The following GATB variants were observed in gnomAD, a reference collection of about 807,000 sequenced individuals.
GATB encodes the protein glutamyl-tRNA amidotransferase subunit B.
GATB carries 39 observed loss-of-function variants against 62.3 expected under a neutral mutation model. That is an observed-to-expected ratio of 0.63 (90% confidence interval 0.48 to 0.82). GATB has a LOEUF of 0.82. Among genes scored for constraint, GATB ranks in the 40% least tolerant of loss-of-function variants. The pLI is 0.00. For synonymous variants in GATB, 276 were observed against 258.9 expected (o/e 1.07, Z -0.63); for missense variants, 670 against 684.0 (o/e 0.98, Z 0.23).
At chr4:151,748,275 T>C (rs1359408650) in intron 2 of GATB, among the ~76,000 whole-genome samples, 2 of 152,206 alleles carry the variant, frequency 1.3e-5, no homozygotes, top group Admixed American at 6.5e-5. Flanking sequence ...ACTACAAGGC[T>C]ACAGTAACCA....
chr4:151,697,967 A>ATATATATATATGTGTG (rs1553967156), intron 9 of GATB, among the ~76,000 whole-genome samples: 3 of 101,872 alleles, frequency 2.9e-5, no homozygotes, highest in East Asian at 3.3e-4. Context: ...ATATATATAT[A>ATATATATATATGTGTG]TATATATATA....
intron 9 of GATB, among the ~76,000 whole-genome samples, chr4:151,692,329 G>A (rs1324628556): frequency 6.6e-6 from 1 of 152,202 alleles, no homozygotes; most frequent in Admixed American, 6.5e-5. Flanking sequence ...GCCTGGGACC[G>A]AAACTGAGCA....
chr4:151,757,195 G>A lies in GATB; in HGVS notation c.327+1577C>T, dbSNP rs149988950. 2.2e-3 allele frequency among the ~76,000 whole-genome samples: 329 copies of A among 152,290 alleles called. 9 individuals are homozygous for A. In the East Asian group the frequency reaches 0.058, roughly 27 times the overall value. The stretch of plus-strand genomic sequence containing the variant: ...GATAGATCTCTAAGTCAGAGAGAGA[G>A]AAAGAGGGCACACCTCCACATCTAT... On this transcript the variant is annotated intron_variant, in intron 2 of 12. Coordinates refer to ENST00000263985, the MANE Select transcript of GATB (RefSeq NM_004564.3).
Position 151,688,698 on chromosome 4 carries a change from CT to C in GATB, c.1262del (p.Lys421ArgfsTer2), listed in dbSNP as rs1560844276. On this transcript the variant is annotated frameshift_variant, in exon 10 of 13. Transcript: ENST00000263985. LOFTEE classifies it high-confidence loss of function. ...AAGTGTTGAGGACCCAACTAGTCACCTTTTTTGGCTCTGCCCTAGTTTCTTT... is the reference window on the plus strand; with the variant it reads ...AAGTGTTGAGGACCCAACTAGTCACCTTTTTGGCTCTGCCCTAGTTTCTTT... ...VIKETRAEPK[K>X]VTSWVLNTFL... The C allele has an allele frequency of 1.2e-6, 2 of 1,613,534 alleles. No individual in the cohort carries two copies. The highest frequency in any genetic ancestry group is 1.3e-5 in the African/African-American group (1 of 74,994).
At chr4:151,701,137 A>C (rs985153242) in intron 9 of GATB, among the ~76,000 whole-genome samples, 192 bp downstream of exon 9, 1 of 152,184 alleles carries the variant, frequency 6.6e-6, no homozygotes, top group Non-Finnish European at 1.5e-5. Flanking sequence ...TGGTTGTATG[A>C]AGAGCATTTA....
chr4:151,714,979 A>G (rs1005746248), intron 5 of GATB, among the ~76,000 whole-genome samples: 5 of 152,236 alleles, frequency 3.3e-5, no homozygotes, highest in South Asian at 2.1e-4. Flanking sequence ...CTCAGATTCA[A>G]CATGTACCAG....
Position 151,688,178 on chromosome 4 carries a change from G to A in GATB, c.1331+452C>T, listed in dbSNP as rs117635164. Among the ~76,000 whole-genome samples the A allele has an allele frequency of 9.6e-3, 1,466 of 152,162 alleles. 86 individuals are homozygous for A. The highest frequency in any genetic ancestry group is 0.012 in the East Asian group (64 of 5,144). Reference sequence around the variant, plus strand: ...TGATCTGTCCCTCCCACTGCAGAGCGACTCTCCCCTAATGCTTCAGGGCAT... The same window carrying A: ...TGATCTGTCCCTCCCACTGCAGAGCAACTCTCCCCTAATGCTTCAGGGCAT... On this transcript the variant is annotated intron_variant, in intron 10 of 12. Transcript: ENST00000263985.
intron 5 of GATB, among the ~76,000 whole-genome samples, chr4:151,712,140 T>C (rs1020743518): frequency 6.6e-6 from 1 of 152,128 alleles, no homozygotes; most frequent in African/African-American, 2.4e-5. Flanking sequence ...AGTTTCGGTC[T>C]CTCCCAGAGA....
intron 5 of GATB, among the ~76,000 whole-genome samples, chr4:151,711,985 C>G (rs1009042375): frequency 6.6e-6 from 1 of 152,220 alleles, no homozygotes; most frequent in South Asian, 2.1e-4. Flanking sequence ...CCAAAGTGTG[C>G]TGAGCTCCAT....
In GATB at chr4:151,730,841, A is replaced by T. The variant is rs1206836314; in HGVS notation, c.328-11303T>A. Among the ~76,000 whole-genome samples, 1 of 152,202 alleles carries T rather than the reference A, an allele frequency of 6.6e-6. No individual in the cohort carries two copies. Among genetic ancestry groups the T allele is most frequent in the Non-Finnish European group, 1.5e-5 (1 of 68,038 alleles). On this transcript the variant is annotated intron_variant, in intron 2 of 12. Coordinates refer to ENST00000263985, the MANE Select transcript of GATB (RefSeq NM_004564.3). The surrounding 1 kb of genome is among the most constrained non-coding windows in gnomAD (Gnocchi z 4.1). ...CAAATGAGAAGGAACGAGAAAACCA[A>T]CGCTGGTAATATGACAAAACAAGGC...
At chr4:151,741,081 T>C (rs1490973758) in intron 2 of GATB, among the ~76,000 whole-genome samples, 1 of 152,130 alleles carries the variant, frequency 6.6e-6, no homozygotes, top group African/African-American at 2.4e-5. Flanking sequence ...CCAAGACCCC[T>C]GGGGGATGCC....
chr4:151,751,092 C>T (rs1739713423), intron 2 of GATB, among the ~76,000 whole-genome samples: 1 of 151,982 alleles, frequency 6.6e-6, no homozygotes, highest in Admixed American at 6.6e-5. Flanking sequence ...CATGCATGAG[C>T]TTGAGTATGG....
At chr4:151,734,295 A>G (rs2126988569) in intron 2 of GATB, among the ~76,000 whole-genome samples, 1 of 152,228 alleles carries the variant, frequency 6.6e-6, no homozygotes, top group East Asian at 1.9e-4. Context: ...CTATATAGCA[A>G]CAGTGACCAA....
chr4:151,716,246 T>C, intron 4 of GATB, 115 bp from the exon 5 acceptor site: 1 of 1,127,354 alleles, frequency 8.9e-7, no homozygotes, highest in Non-Finnish European at 1.2e-6. Context: ...AGAGTGGTTC[T>C]AGCCTCTCAA....
At chr4:151,700,662 A>T (rs1738584582) in intron 9 of GATB, among the ~76,000 whole-genome samples, 2 of 152,160 alleles carry the variant, frequency 1.3e-5, no homozygotes, top group Admixed American at 1.3e-4. Context: ...GACGACGACA[A>T]CGGTGACAAA....
chr4:151,696,098 C>T (rs1408379935), intron 9 of GATB, among the ~76,000 whole-genome samples: 1 of 152,104 alleles, frequency 6.6e-6, no homozygotes, highest in Non-Finnish European at 1.5e-5. Context: ...ACGATTCAGA[C>T]AGGACTCAAG....
At chr4:151,727,690 T>A (rs1739163640) in intron 2 of GATB, among the ~76,000 whole-genome samples, 1 of 152,230 alleles carries the variant, frequency 6.6e-6, no homozygotes, top group South Asian at 2.1e-4. Flanking sequence ...CTAGCCATGT[T>A]ATCTTGCACA....
chr4:151,706,701 C>A (rs955653179), intron 6 of GATB, among the ~76,000 whole-genome samples: 5 of 152,166 alleles, frequency 3.3e-5, no homozygotes, highest in African/African-American at 1.2e-4. Flanking sequence ...AGGTTCAGGA[C>A]AATAAGGTCT....
At chr4:151,728,268 C>T (rs1277367310) in intron 2 of GATB, among the ~76,000 whole-genome samples, 1 of 152,180 alleles carries the variant, frequency 6.6e-6, no homozygotes, top group African/African-American at 2.4e-5. Context: ...TTTTTACTCC[C>T]ATCTCATTCT....
Sources: gnomAD v4.1 joint callset for allele counts (sites outside exome capture counted in the v4.1 genomes callset) on GRCh38, gnomAD v4.1.1 for gene constraint, Gnocchi (gnomAD v3.1) non-coding constraint, MANE v1.5 for transcripts, NCBI Gene and HGNC (gene_info 2026-07-23, HGNC 2026-07-21) for gene names.